Variants in CNNM4 observed in about 807,000 individuals in gnomAD.
The protein encoded by CNNM4 is cyclin and CBS domain divalent metal cation transport mediator 4.
Under a neutral mutation model 53.7 loss-of-function variants are expected in CNNM4, and 32 were observed. The ratio of observed to expected loss-of-function variants is 0.60; its 90% CI spans 0.45 to 0.80. The LOEUF (loss-of-function observed/expected upper bound fraction) is 0.80. Among genes scored for constraint, CNNM4 ranks in the 30% least tolerant of loss-of-function variants. The pLI, the probability that CNNM4 is intolerant of heterozygous loss-of-function variation, is 0.00. For missense variants in CNNM4, 784 were observed against 1,022.0 expected (o/e 0.77, Z 3.17); for synonymous variants, 410 against 440.0 (o/e 0.93, Z 0.85).
At position 96,797,806 on chromosome 2, in the gene CNNM4, C is replaced by T. The variant is rs184517683; in HGVS notation, c.1681+159C>T. Among the ~76,000 whole-genome samples, 1 of 152,302 alleles carries T rather than the reference C, an allele frequency of 6.6e-6. No homozygotes were observed. Among genetic ancestry groups the T allele is most frequent in the East Asian group, 1.9e-4 (1 of 5,180 alleles). On this transcript the variant is annotated intron_variant, in intron 3 of 6. Coordinates refer to ENST00000377075, the MANE Select transcript of CNNM4 (RefSeq NM_020184.4). This position sits in a 1 kb window ranked among gnomAD's most constrained non-coding sequence, Gnocchi z 6.0. The stretch of plus-strand genomic sequence containing the variant: ...TGGAAGGGGCCGGGTATCTGCTCCA[C>T]CCCTGGGGATCTCCCTGCGATTCAT...
At chr2:96,796,571 G>C (rs1286596993) in intron 1 of CNNM4, among the ~76,000 whole-genome samples, 1 of 152,080 alleles carries the variant, frequency 6.6e-6, no homozygotes, top group Non-Finnish European at 1.5e-5. Context: ...AGACCAGCTT[G>C]AGCAACATAG....
intron 1 of CNNM4, among the ~76,000 whole-genome samples, chr2:96,785,564 G>A (rs1020742591): frequency 3.3e-5 from 5 of 151,838 alleles, no homozygotes; most frequent in Non-Finnish European, 5.9e-5. Flanking sequence ...CCAGGAGGCC[G>A]AGGCTACAGT....
chr2:96,761,794 CGGGTCCGG>C lies in CNNM4; in HGVS notation c.796_803del (p.Gly266ProfsTer53). The C allele has an allele frequency of 6.2e-7, 1 of 1,613,600 alleles. No homozygotes were observed. Among genetic ancestry groups the C allele is most frequent in the Non-Finnish European group, 8.5e-7 (1 of 1,180,036 alleles). On this transcript the variant is annotated frameshift_variant, in exon 1 of 7. Transcript: ENST00000377075. LOFTEE classifies it high-confidence loss of function. This position sits in a 1 kb window ranked among gnomAD's most constrained non-coding sequence, Gnocchi z 6.0. ...TCACAATCCTTCTAGACAACCTCAT[CGGGTCCGG>C]CCTCATGGCGGTGGCCTCCTCCACC...
At chr2:96,803,590 G>A (rs2079176814) in intron 5 of CNNM4, among the ~76,000 whole-genome samples, 1 of 152,060 alleles carries the variant, frequency 6.6e-6, no homozygotes, top group African/African-American at 2.4e-5. Context: ...GCCGGGCGTG[G>A]TGGCAGGTGC....
At chr2:96,792,208 T>A (rs184684050) in intron 1 of CNNM4, among the ~76,000 whole-genome samples, 1 of 142,834 alleles carries the variant, frequency 7.0e-6, no homozygotes, top group African/African-American at 2.6e-5. Flanking sequence ...ATCACGCCAC[T>A]GCACTCCAGC....
intron 1 of CNNM4, among the ~76,000 whole-genome samples, chr2:96,791,319 A>G (rs1483525421): frequency 2.0e-5 from 3 of 151,658 alleles, no homozygotes; most frequent in Non-Finnish European, 2.9e-5. Context: ...GTGTCCATTC[A>G]ATTGGCTGAT....
chr2:96,798,952 T>A (rs928878784), intron 3 of CNNM4, 105 bp from the exon 4 acceptor site: 17 of 1,177,326 alleles, frequency 1.4e-5, no homozygotes, highest in Non-Finnish European at 2.1e-5. Context: ...GGGAGTCGTC[T>A]GAGCACAGCG....
chr2:96,790,296 G>A (rs1378888387), intron 1 of CNNM4, among the ~76,000 whole-genome samples: 7 of 151,372 alleles, frequency 4.6e-5, no homozygotes, highest in South Asian at 2.1e-4. Context: ...GTGAGCCACC[G>A]CACCCGGCCT....
At position 96,761,371 on chromosome 2, in the gene CNNM4, C is replaced by A; in HGVS notation, c.372C>A (p.Ser124Arg). The change falls in exon 1 of 7, where the codon AGC becomes AGA. Residue 124 changes from serine to arginine, a missense_variant. Coordinates refer to ENST00000377075, the MANE Select transcript of CNNM4 (RefSeq NM_020184.4). This position sits in a 1 kb window ranked among gnomAD's most constrained non-coding sequence, Gnocchi z 6.0. ...TCGTCCAGCAGCTGGTCAACGTGAG[C>A]CGCGGGAACACGTCCGGCGTGCTGG... ...DLVVQQLVNVSRGNTSGVLVV... is the reference protein window; with the variant it reads ...DLVVQQLVNVRRGNTSGVLVV... The A allele has an allele frequency of 6.2e-7, 1 of 1,614,114 alleles. No individual in the cohort carries two copies. Among genetic ancestry groups the A allele is most frequent in the Non-Finnish European group, 8.5e-7 (1 of 1,180,034 alleles).
intron 5 of CNNM4, among the ~76,000 whole-genome samples, chr2:96,805,023 A>G (rs1295740546): frequency 6.6e-6 from 1 of 152,090 alleles, no homozygotes. Context: ...TCAGTTGAAA[A>G]AGAAAATAAA....
chr2:96,800,970 C>A lies in CNNM4; in HGVS notation c.1948+1322C>A. On this transcript the variant is annotated intron_variant, in intron 5 of 6. Transcript: ENST00000377075. This position sits in a 1 kb window ranked among gnomAD's most constrained non-coding sequence, Gnocchi z 4.6. ...CTTTCTCCACTGGGCCCATCTCTGC[C>A]CAAAGCAGCCTGGCCCCGTCAGGTC... is the stretch of plus-strand genomic sequence containing the variant. 2.6e-6 allele frequency: 1 copy of A among 383,638 alleles called. No individual in the cohort carries two copies. Among genetic ancestry groups the A allele is most frequent in the Non-Finnish European group, 3.6e-6 (1 of 280,166 alleles). The allele number at this position is 383,638 out of a possible 1,614,324, so 23.8% of individuals were successfully genotyped here. A position where few individuals can be genotyped will look rare whatever the true frequency, so the allele number is the denominator to read the frequency against.
chr2:96,796,654 G>A (rs1051827568), intron 1 of CNNM4, among the ~76,000 whole-genome samples: 12 of 152,048 alleles, frequency 7.9e-5, no homozygotes, highest in African/African-American at 2.7e-4. Flanking sequence ...TCAGCTACTC[G>A]GGAGGCTGAG....
intron 5 of CNNM4, among the ~76,000 whole-genome samples, chr2:96,806,035 C>T (rs1192064838): frequency 6.1e-4 from 91 of 150,130 alleles, no homozygotes; most frequent in South Asian, 2.1e-4. Context: ...CGGGCAGAGG[C>T]GCCCCTCACC....
chr2:96,792,255 A>C (rs2079068662), intron 1 of CNNM4, among the ~76,000 whole-genome samples: 1 of 151,486 alleles, frequency 6.6e-6, no homozygotes, highest in African/African-American at 2.4e-5. Flanking sequence ...CAAAAAAAAA[A>C]AAAAAACCAC....
chr2:96,779,798 G>C (rs1422733096), intron 1 of CNNM4, among the ~76,000 whole-genome samples: 1 of 151,318 alleles, frequency 6.6e-6, no homozygotes, highest in Non-Finnish European at 1.5e-5. Flanking sequence ...TCAACTCAAA[G>C]ACTTGACATT....
At chr2:96,787,024 A>G (rs547651628) in intron 1 of CNNM4, among the ~76,000 whole-genome samples, 203 of 152,322 alleles carry the variant, frequency 1.3e-3, no homozygotes, top group Non-Finnish European at 2.6e-3. Flanking sequence ...TACTTTACAC[A>G]AATAGTGAAT....
In CNNM4 at chr2:96,761,342, C is replaced by T. The variant is rs781051054; in HGVS notation, c.343C>T (p.Leu115=). ...CAGCTGCCTCGAGCTCACCAAGGAC[C>T]TGGTCGTCCAGCAGCTGGTCAACGT... The part of the protein sequence containing the change: ...STSCLELTKD[L]VVQQLVNVSR... The change falls in exon 1 of 7, where the codon CTG becomes TTG. Residue 115 remains leucine (L), a synonymous_variant. Coordinates refer to ENST00000377075, the MANE Select transcript of CNNM4 (RefSeq NM_020184.4). This position sits in a 1 kb window ranked among gnomAD's most constrained non-coding sequence, Gnocchi z 6.0. The T allele has an allele frequency of 1.2e-6, 2 of 1,614,102 alleles. No individual in the cohort carries two copies. Among genetic ancestry groups the T allele is most frequent in the Non-Finnish European group, 8.5e-7 (1 of 1,180,040 alleles).
chr2:96,799,344 C>T lies in CNNM4; in HGVS notation c.1851+118C>T, dbSNP rs1032339026. ...GCTTCCCTGCCTGGGGAGCCTGCTG[C>T]CTGCCCTTGAGCCCCGCCTGCCCCA... On this transcript the variant is annotated intron_variant, in intron 4 of 6. Transcript: ENST00000377075. 5.6e-6 allele frequency: 8 copies of T among 1,421,802 alleles called. No homozygotes were observed. In the African/African-American group the frequency reaches 7.0e-5, roughly 13 times the overall value. 88.1% of individuals were successfully genotyped at this position (1,421,802 alleles called of 1,614,324 possible). A position where few individuals can be genotyped will look rare whatever the true frequency, so the allele number is the denominator to read the frequency against.
chr2:96,764,966 G>T (rs1203346276), intron 1 of CNNM4, among the ~76,000 whole-genome samples: 1 of 143,866 alleles, frequency 7.0e-6, no homozygotes, highest in Non-Finnish European at 1.5e-5. Flanking sequence ...CAGCTTGGGC[G>T]ACTGAGCAAG....
Sources: gnomAD v4.1 joint callset for allele counts (sites outside exome capture counted in the v4.1 genomes callset) on GRCh38, gnomAD v4.1.1 for gene constraint, Gnocchi (gnomAD v3.1) non-coding constraint, MANE v1.5 for transcripts, NCBI Gene and HGNC (gene_info 2026-07-23, HGNC 2026-07-21) for gene names.